The following VWA3B variants were observed in gnomAD, a reference collection of about 807,000 sequenced individuals.
The protein encoded by VWA3B is von Willebrand factor A domain containing 3B, also known as von Willebrand factor A domain-containing protein 3B.
Under a neutral mutation model 158.3 loss-of-function variants are expected in VWA3B, and 138 were observed. The ratio of observed to expected loss-of-function variants is 0.87; its 90% CI spans 0.76 to 1.00. VWA3B has a LOEUF of 1.00. VWA3B is among the 50% of genes least tolerant of loss of function. The pLI is 0.00. For missense variants in VWA3B, 1,555 were observed against 1,565.1 expected (o/e 0.99, Z 0.11); for synonymous variants, 596 against 587.3 (o/e 1.01, Z -0.21).
intron 8 of VWA3B, among the ~76,000 whole-genome samples, chr2:98,168,372 C>CATAT: frequency 8.2e-6 from 1 of 121,638 alleles, no homozygotes; most frequent in East Asian, 3.4e-4. Flanking sequence ...CTAATACACA[C>CATAT]ACATACACAC....
intron 9 of VWA3B, 135 bp from the exon 10 acceptor site, chr2:98,187,839 GA>G: frequency 1.1e-6 from 1 of 932,018 alleles, no homozygotes; most frequent in South Asian, 2.2e-5. Context: ...ATATTTGGTT[GA>G]ACTAACAAAG....
chr2:98,288,957 A>G (rs1370083280), intron 22 of VWA3B, among the ~76,000 whole-genome samples: 1 of 152,202 alleles, frequency 6.6e-6, no homozygotes, highest in East Asian at 1.9e-4. Context: ...AAAGGTTCAC[A>G]GTACGTGTTT....
Position 98,119,641 on chromosome 2 carries a change from G to C in VWA3B, c.420G>C (p.Gln140His). The C allele has an allele frequency of 6.2e-7, 1 of 1,614,156 alleles. No homozygotes were observed. Among genetic ancestry groups the C allele is most frequent in the Non-Finnish European group, 8.5e-7 (1 of 1,180,040 alleles). ...AGATTTTTGGTGTCATCTTGGAACA[G>C]TGCGTCACCATAGTGCTGGATTTTG... ...SRQIFGVILEQCVTIVLDFGG... is the reference protein window; with the variant it reads ...SRQIFGVILEHCVTIVLDFGG... Residue 140 changes from glutamine (Q) to histidine (H), a missense_variant, in exon 4 of 28, where the codon CAG becomes CAC. Gln to His is a conservative substitution (Grantham distance 24). Transcript: ENST00000477737.
intron 8 of VWA3B, among the ~76,000 whole-genome samples, chr2:98,163,688 G>A (rs565656050): frequency 3.3e-5 from 5 of 152,308 alleles, no homozygotes; most frequent in African/African-American, 9.6e-5. Flanking sequence ...TCAGGGGGAC[G>A]CCAGTGGATG....
intron 22 of VWA3B, among the ~76,000 whole-genome samples, chr2:98,283,187 A>T (rs1361058491): frequency 6.6e-6 from 1 of 152,252 alleles, no homozygotes; most frequent in Admixed American, 6.5e-5. Flanking sequence ...TCAGAATTTT[A>T]AAAAGGAACT....
At chr2:98,237,736 G>A (rs2105742845) in intron 19 of VWA3B, among the ~76,000 whole-genome samples, 1 of 152,314 alleles carries the variant, frequency 6.6e-6, no homozygotes, top group South Asian at 2.1e-4. Context: ...GATTTAAATA[G>A]AAACATTTCA....
intron 9 of VWA3B, among the ~76,000 whole-genome samples, chr2:98,182,630 T>A (rs1680688585): frequency 6.6e-6 from 1 of 152,286 alleles, no homozygotes; most frequent in South Asian, 2.1e-4. Flanking sequence ...ATTTTCATTT[T>A]AAAAATAGGC....
intron 6 of VWA3B, among the ~76,000 whole-genome samples, chr2:98,129,917 GA>G (rs1357117151): frequency 6.6e-6 from 1 of 152,156 alleles, no homozygotes; most frequent in Non-Finnish European, 1.5e-5. Context: ...CCACACCTGT[GA>G]GTGTTTCTCG....
At chr2:98,275,700 A>T (rs768073732) in intron 22 of VWA3B, among the ~76,000 whole-genome samples, 1 of 152,252 alleles carries the variant, frequency 6.6e-6, no homozygotes, top group African/African-American at 2.4e-5. Context: ...GGCTCTTTCC[A>T]CTGCTAAAGT....
chr2:98,097,105 A>AT (rs1452388993), intron 2 of VWA3B, among the ~76,000 whole-genome samples: 3 of 152,020 alleles, frequency 2.0e-5, no homozygotes, highest in Non-Finnish European at 2.9e-5. Context: ...TAATTAATAA[A>AT]TTTTTTTACT....
chr2:98,321,683 T>G, the VWA3B span, among the ~76,000 whole-genome samples: 1 of 152,232 alleles, frequency 6.6e-6, no homozygotes, highest in Non-Finnish European at 1.5e-5. Flanking sequence ...TTATACAGGC[T>G]CTCAGGCAGA....
intron 7 of VWA3B, among the ~76,000 whole-genome samples, chr2:98,147,832 T>C (rs1677291772): frequency 6.6e-6 from 1 of 152,052 alleles, no homozygotes; most frequent in Non-Finnish European, 1.5e-5. Context: ...GTATATCTCC[T>C]AATGCTATCA....
At chr2:98,251,852 T>A (rs1394475878) in intron 20 of VWA3B, among the ~76,000 whole-genome samples, 3 of 151,858 alleles carry the variant, frequency 2.0e-5, no homozygotes, top group African/African-American at 7.3e-5. Flanking sequence ...CACCCGAGAG[T>A]GGAGGCCGCC....
chr2:98,298,482 C>A (rs978823303), intron 24 of VWA3B, among the ~76,000 whole-genome samples: 11 of 151,982 alleles, frequency 7.2e-5, no homozygotes, highest in Non-Finnish European at 1.6e-4. Context: ...CCACCCCATC[C>A]CATCCCATTC....
At chr2:98,116,703 G>A (rs1019950486) in intron 3 of VWA3B, among the ~76,000 whole-genome samples, 3 of 152,140 alleles carry the variant, frequency 2.0e-5, no homozygotes, top group African/African-American at 2.4e-5. Flanking sequence ...ACGGGGTCTC[G>A]CCATGTTGCC....
At chr2:98,193,474 C>T (rs1169590738) in intron 11 of VWA3B, among the ~76,000 whole-genome samples, 1 of 152,158 alleles carries the variant, frequency 6.6e-6, no homozygotes, top group Non-Finnish European at 1.5e-5. Flanking sequence ...GCAGGTTGCC[C>T]AAGTGCCCTA....
intron 4 of VWA3B, among the ~76,000 whole-genome samples, chr2:98,120,370 C>T (rs2104962985): frequency 6.6e-6 from 1 of 152,356 alleles, no homozygotes; most frequent in Admixed American, 6.5e-5. Context: ...AAGGATCTAC[C>T]TCATTCAGTT....
intron 7 of VWA3B, among the ~76,000 whole-genome samples, chr2:98,158,655 C>T (rs9973921): frequency 0.33 from 49,675 of 151,404 alleles, 10,391 homozygotes; most frequent in East Asian, 0.64. Flanking sequence ...CTAGTGGTGC[C>T]CTGGTTCATT....
At chr2:98,185,059 C>G (rs78042125) in intron 9 of VWA3B, among the ~76,000 whole-genome samples, 3 of 152,338 alleles carry the variant, frequency 2.0e-5, no homozygotes, top group Non-Finnish European at 4.4e-5. Flanking sequence ...CCAGTGACTT[C>G]CTCCCCAACT....
Sources: gnomAD v4.1 joint callset for allele counts (sites outside exome capture counted in the v4.1 genomes callset) on GRCh38, gnomAD v4.1.1 for gene constraint, MANE v1.5 for transcripts, NCBI Gene and HGNC (gene_info 2026-07-23, HGNC 2026-07-21) for gene names.